SUPT16H: variants seen among roughly 807,000 people sequenced by gnomAD.
SUPT16H encodes SPT16 homolog, facilitates chromatin remodeling subunit, also known as FACT complex subunit SPT16.
A neutral mutation model predicts 136.2 loss-of-function variants in SUPT16H; 24 were observed. The observed-to-expected ratio is 0.18, with a 90% CI of 0.13 to 0.25. The LOEUF (loss-of-function observed/expected upper bound fraction) is 0.25, where lower values mean the gene tolerates loss of function less well. SUPT16H is among the 10% of genes least tolerant of loss of function. SUPT16H has a pLI of 1.00. For missense variants in SUPT16H, 623 were observed against 1,270.2 expected (o/e 0.49, Z 7.74); for synonymous variants, 415 against 428.2 (o/e 0.97, Z 0.38).
rs1486783962 is a variant in SUPT16H at position 21,357,277 on chromosome 14, G to A, written c.2580C>T (p.Val860=). 6.2e-7 allele frequency: 1 copy of A among 1,613,416 alleles called. No individual in the cohort carries two copies. The highest frequency in any genetic ancestry group is 1.7e-4 in the Middle Eastern group (1 of 6,054). Residue 860 remains valine, a synonymous_variant, in exon 22 of 26, where the codon GTC becomes GTT. Coordinates refer to ENST00000216297, the MANE Select transcript of SUPT16H (RefSeq NM_007192.4). The stretch of plus-strand genomic sequence containing the variant: ...TCACTTTCTTGCTGTAGTCCTTGTA[G>A]ACGATTACCATATCAAAGTTCTTCA... ...FHLKNFDMVI[V]YKDYSKKVTM...
rs181501418 is a variant in SUPT16H at position 21,354,643 on chromosome 14, G to A, written c.2661-103C>T. On this transcript the variant is annotated intron_variant, in intron 22 of 25. Coordinates refer to ENST00000216297, the MANE Select transcript of SUPT16H (RefSeq NM_007192.4). ...GTCTTGCTCTGTTGCCCAGGCTGGA[G>A]TGCAGTGGCACAATCTTCGCTCACT... 9.0e-4 allele frequency: 1,293 copies of A among 1,432,802 alleles called. 14 individuals carry two copies. In the African/African-American group the frequency reaches 0.017, roughly 19 times the overall value. 88.8% of individuals were successfully genotyped at this position (1,432,802 alleles called of 1,614,324 possible).
intron 5 of SUPT16H, 157 bp downstream of exon 5, chr14:21,369,593 G>A (rs1886744012): frequency 2.8e-6 from 3 of 1,074,414 alleles, no homozygotes; most frequent in Non-Finnish European, 4.0e-6. Context: ...CATAACGCAG[G>A]CTTACCATTA....
chr14:21,356,313 C>G (rs910925694), intron 22 of SUPT16H, among the ~76,000 whole-genome samples: 1 of 152,208 alleles, frequency 6.6e-6, no homozygotes, highest in African/African-American at 2.4e-5. Flanking sequence ...CTCCCAATCT[C>G]ACACAGAACT....
chr14:21,362,649 A>C lies in SUPT16H; in HGVS notation c.1665+145T>G, dbSNP rs562029899. On this transcript the variant is annotated intron_variant, in intron 14 of 25. Transcript: ENST00000216297. ...AAAAACTGAAAGAGGAAGGAGAATG[A>C]CAAGACAAGAGGGATGTCAGTAACT... 116 of 970,338 alleles carry C rather than the reference A, an allele frequency of 1.2e-4. 3 individuals carry two copies. In the South Asian group the frequency reaches 2.0e-3, roughly 17 times the overall value. The allele number at this position is 970,338 out of a possible 1,614,324, so 60.1% of individuals were successfully genotyped here.
Position 21,358,079 on chromosome 14 carries a change from T to C in SUPT16H, c.2415-77A>G, listed in dbSNP as rs1322780721. 8.2e-6 allele frequency: 11 copies of C among 1,341,368 alleles called. No individual in the cohort carries two copies. The East Asian group carries it at 2.1e-4, about 26-fold the overall frequency. 83.1% of individuals were successfully genotyped at this position (1,341,368 alleles called of 1,614,324 possible). ...TACCACAACAGACAAACTTCTTCCC[T>C]CTCCCCATTCCAAACAGCTCCAGCA... On this transcript the variant is annotated intron_variant, in intron 20 of 25. Transcript: ENST00000216297.
At position 21,352,558 on chromosome 14, in the gene SUPT16H, A is replaced by G; in HGVS notation, c.*115T>C. The G allele has an allele frequency of 1.3e-6, 2 of 1,549,244 alleles. No individual in the cohort carries two copies. Among genetic ancestry groups the G allele is most frequent in the Non-Finnish European group, 1.7e-6 (2 of 1,147,220 alleles). On this transcript the variant is annotated 3_prime_UTR_variant, in exon 26 of 26. Coordinates refer to ENST00000216297, the MANE Select transcript of SUPT16H (RefSeq NM_007192.4). ...CACAAATGGCCCCCTAAACCCATAA[A>G]CACAAATGGCAAAACTTCAAATGAA... is the stretch of plus-strand genomic sequence containing the variant.
chr14:21,365,326 T>C (rs558907929), intron 8 of SUPT16H, among the ~76,000 whole-genome samples, 183 bp from the exon 9 acceptor site: 2 of 152,346 alleles, frequency 1.3e-5, no homozygotes, highest in South Asian at 4.1e-4. Flanking sequence ...ACATGCTGTA[T>C]AATCCCATGG....
chr14:21,375,726 T>G (rs953163539), intron 1 of SUPT16H, among the ~76,000 whole-genome samples: 6 of 152,194 alleles, frequency 3.9e-5, no homozygotes, highest in African/African-American at 1.4e-4. Flanking sequence ...CCCAAGTAGT[T>G]GGGACTCCAG....
At chr14:21,360,623 G>A in intron 17 of SUPT16H, 90 bp from the exon 18 acceptor site, 1 of 1,273,126 alleles carries the variant, frequency 7.9e-7, no homozygotes, top group Non-Finnish European at 1.1e-6. Context: ...CACAGGGTCA[G>A]AGGAAACACC....
chr14:21,359,612 G>A lies in SUPT16H; in HGVS notation c.2176-3C>T. ...TTCTTCCCAAACATGATGGCATTCT[G>A]TCGGCATAAAACAGAAAGAACACAG... is the stretch of plus-strand genomic sequence containing the variant. On this transcript the variant is annotated splice_polypyrimidine_tract_variant and splice_region_variant and intron_variant, in intron 18 of 25. Transcript: ENST00000216297. 6.2e-7 allele frequency: 1 copy of A among 1,613,280 alleles called. No homozygotes were observed. The highest frequency in any genetic ancestry group is 8.5e-7 in the Non-Finnish European group (1 of 1,179,678).
chr14:21,376,792 TA>T (rs1886911143), intron 1 of SUPT16H, among the ~76,000 whole-genome samples: 1 of 152,238 alleles, frequency 6.6e-6, no homozygotes, highest in Non-Finnish European at 1.5e-5. Context: ...TGTCTTTTAA[TA>T]TTCTATGTAA....
At chr14:21,375,454 T>C (rs1223104670) in intron 1 of SUPT16H, among the ~76,000 whole-genome samples, 1 of 151,936 alleles carries the variant, frequency 6.6e-6, no homozygotes, top group Non-Finnish European at 1.5e-5. Context: ...GTTGCTTTAT[T>C]ATTGAGCTGT....
intron 19 of SUPT16H, 45 bp from the exon 20 acceptor site, chr14:21,358,472 C>T (rs1290214434): frequency 3.6e-6 from 5 of 1,372,056 alleles, no homozygotes; most frequent in East Asian, 2.3e-5. Flanking sequence ...CATTTGTTAA[C>T]AGTACCTCCC....
chr14:21,370,568 ATATTC>A, intron 3 of SUPT16H, 80 bp from the exon 4 acceptor site: 1 of 1,460,516 alleles, frequency 6.8e-7, no homozygotes, highest in South Asian at 1.3e-5. Context: ...AGGTAGAATA[ATATTC>A]TAAACTACGG....
chr14:21,352,154 C>T lies in SUPT16H; in HGVS notation c.*519G>A, dbSNP rs1886323407. 1 of 158,214 alleles carries T rather than the reference C, an allele frequency of 6.3e-6. No homozygotes were observed. Among genetic ancestry groups the T allele is most frequent in the Non-Finnish European group, 1.4e-5 (1 of 70,896 alleles). The allele number at this position is 158,214 out of a possible 1,614,324, so 9.8% of individuals were successfully genotyped here. On this transcript the variant is annotated 3_prime_UTR_variant, in exon 26 of 26. Transcript: ENST00000216297. ...ACCAGCCCAATCTGCCTCACTGGCT[C>T]AAGCTGTATGGTTTATCACAACCAT...
chr14:21,383,964 C>T lies in SUPT16H; in HGVS notation c.-37G>A. ...CCGCTTCTCCTCGGGTTCCGAGAAT[C>T]ACGCGAGGTCCCGGCTCAGCCACCC... On this transcript the variant is annotated 5_prime_UTR_variant, in exon 1 of 26. Transcript: ENST00000216297. 1 of 1,611,596 alleles carries T rather than the reference C, an allele frequency of 6.2e-7. No homozygotes were observed. The highest frequency in any genetic ancestry group is 8.5e-7 in the Non-Finnish European group (1 of 1,179,426).
intron 7 of SUPT16H, among the ~76,000 whole-genome samples, chr14:21,367,429 T>C (rs1886695636): frequency 6.6e-6 from 1 of 152,344 alleles, no homozygotes; most frequent in Non-Finnish European, 1.5e-5. Context: ...CCTTAATTTT[T>C]CAGGATCTAG....
chr14:21,366,053 G>A (rs1285686203), intron 8 of SUPT16H, among the ~76,000 whole-genome samples: 2 of 152,198 alleles, frequency 1.3e-5, no homozygotes, highest in African/African-American at 2.4e-5. Flanking sequence ...AGTGAGGCAC[G>A]ACTGCACCAC....
chr14:21,373,263 T>G lies in SUPT16H; in HGVS notation c.159+75A>C. ...AGCCAGCCAGGAATTTAAGTTTTAA[T>G]GTGGCTACCATACTGAACAGTGCAG... On this transcript the variant is annotated intron_variant, in intron 2 of 25. Transcript: ENST00000216297. 3 of 1,200,686 alleles carry G rather than the reference T, an allele frequency of 2.5e-6. No individual in the cohort carries two copies. In the East Asian group the frequency reaches 7.1e-5, roughly 28 times the overall value. The allele number at this position is 1,200,686 out of a possible 1,614,324, so 74.4% of individuals were successfully genotyped here.
Sources: gnomAD v4.1 joint callset for allele counts (sites outside exome capture counted in the v4.1 genomes callset) on GRCh38, gnomAD v4.1.1 for gene constraint, MANE v1.5 for transcripts, NCBI Gene and HGNC (gene_info 2026-07-23, HGNC 2026-07-21) for gene names.